Variants in ZNF615 observed in about 807,000 individuals in gnomAD.
The protein encoded by ZNF615 is zinc finger protein 615.
Under a neutral mutation model 15.3 loss-of-function variants are expected in ZNF615, and 15 were observed. The ratio of observed to expected loss-of-function variants is 0.98; its 90% confidence interval spans 0.66 to 1.51. The LOEUF (loss-of-function observed/expected upper bound fraction) is 1.51. Among genes scored for constraint, ZNF615 ranks in the 40% most tolerant of loss-of-function variants. ZNF615 has a pLI of 0.00. For missense variants in ZNF615, 848 were observed against 895.9 expected, an observed-to-expected ratio of 0.95 and a Z score of 0.68; for synonymous variants, 268 against 294.6, an observed-to-expected ratio of 0.91 and a Z score of 0.92.
chr19:52,000,446 A>G, intron 5 of ZNF615, 68 bp from the exon 6 acceptor site: 1 of 568,864 alleles, frequency 1.8e-6, no homozygotes, highest in Non-Finnish European at 3.1e-6. Flanking sequence ...AGCCAAAAGC[A>G]TTATTCTTAG....
At position 51,993,544 on chromosome 19, in the gene ZNF615, G is replaced by A. The variant is rs1284577113; in HGVS notation, c.1565C>T (p.Pro522Leu). The change falls in exon 7 of 7, where the codon CCC becomes CTC. Residue 522 changes from proline to leucine, a missense_variant. Coordinates refer to ENST00000598071, the MANE Select transcript of ZNF615 (RefSeq NM_001199324.2). ...TTTTCCACACTCACCACATACATAG[G>A]GTTTTTCTCCAGTATGAGTTCGCTG... ...VHQRTHTGEK[P>L]YVCGECGKGF... 1.9e-6 allele frequency: 3 copies of A among 1,613,456 alleles called. No homozygotes were observed. In the South Asian group the frequency reaches 3.3e-5, roughly 18 times the overall value.
chr19:51,993,897 AG>A lies in ZNF615; in HGVS notation c.1211del (p.Thr404IlefsTer19), dbSNP rs2086330691. On this transcript the variant is annotated frameshift_variant, in exon 7 of 7. Coordinates refer to ENST00000598071, the MANE Select transcript of ZNF615 (RefSeq NM_001199324.2). LOFTEE classifies it low-confidence loss of function (END_TRUNC). The part of the protein sequence containing the change: ...LKNSLITHQQ[T>X]HTGEKLYTCS... ...ATGTATATAATTTCTCTCCTGTATG[AG>A]TTTGCTGATGTGTGATAAGACTGTT... 1 of 1,614,094 alleles carries A rather than the reference AG, an allele frequency of 6.2e-7. No individual in the cohort carries two copies. The highest frequency in any genetic ancestry group is 8.5e-7 in the Non-Finnish European group (1 of 1,180,006).
In ZNF615 at chr19:51,992,169, C is replaced by T. The variant is rs1178337138; in HGVS notation, c.*711G>A. 6.6e-6 allele frequency: 1 copy of T among 152,048 alleles called. No individual in the cohort carries two copies. Among genetic ancestry groups the T allele is most frequent in the Non-Finnish European group, 1.5e-5 (1 of 68,004 alleles). 9.4% of individuals were successfully genotyped at this position (152,048 alleles called of 1,614,324 possible). ...TAATCATATAATAAAATGAGGCAGG[C>T]ATAAAATACTCCGGTATTATATACA... On this transcript the variant is annotated 3_prime_UTR_variant, in exon 7 of 7. Coordinates refer to ENST00000598071, the MANE Select transcript of ZNF615 (RefSeq NM_001199324.2).
chr19:51,993,540 A>G lies in ZNF615; in HGVS notation c.1569T>C (p.Tyr523=). ...HQRTHTGEKP[Y]VCGECGKGFP... ...AGCCTTTTCCACACTCACCACATAC[A>G]TAGGGTTTTTCTCCAGTATGAGTTC... The change falls in exon 7 of 7, where the codon TAT becomes TAC. Residue 523 remains tyrosine (Y), a synonymous_variant. Transcript: ENST00000598071. 1 of 1,613,676 alleles carries G rather than the reference A, an allele frequency of 6.2e-7. No individual in the cohort carries two copies. The highest frequency in any genetic ancestry group is 8.5e-7 in the Non-Finnish European group (1 of 1,179,950).
chr19:52,005,464 T>G (rs1213873877), intron 2 of ZNF615, among the ~76,000 whole-genome samples: 3 of 152,236 alleles, frequency 2.0e-5, no homozygotes, highest in Non-Finnish European at 4.4e-5. Flanking sequence ...GGTCTATGGT[T>G]TCCGTGGCAG....
intron 6 of ZNF615, among the ~76,000 whole-genome samples, chr19:51,996,385 C>CAAAAAAAAAAAAAAAAAAAAAAAAAAAA (rs1172310589): frequency 3.0e-5 from 1 of 33,326 alleles, no homozygotes; most frequent in Non-Finnish European, 5.5e-5. Flanking sequence ...GACTCTGTCT[C>CAAAAAAAAAAAAAAAAAAAAAAAAAAAA]AAAAAAAAAA....
Position 52,007,306 on chromosome 19 carries a change from T to G in ZNF615, c.-203A>C. 7.8e-7 allele frequency: 1 copy of G among 1,289,024 alleles called. No homozygotes were observed. The highest frequency in any genetic ancestry group is 1.0e-6 in the Non-Finnish European group (1 of 988,496). The allele number at this position is 1,289,024 out of a possible 1,614,324, so 79.8% of individuals were successfully genotyped here. On this transcript the variant is annotated 5_prime_UTR_variant, in exon 2 of 7. Transcript: ENST00000598071. The stretch of plus-strand genomic sequence containing the variant: ...AACCGAGCTTACCATGGCAGAGATG[T>G]TATCTTACTTGTGTCAGAAAGAACC...
intron 6 of ZNF615, among the ~76,000 whole-genome samples, chr19:51,995,564 C>CTTCT (rs1568499475): frequency 7.4e-5 from 10 of 135,540 alleles, no homozygotes; most frequent in African/African-American, 5.4e-5. Flanking sequence ...AAACACCTTC[C>CTTCT]TTTTTTTTTT....
In ZNF615 at chr19:52,002,241, C is replaced by T. The variant is rs2086619611; in HGVS notation, c.56G>A (p.Trp19Ter). The change falls in exon 4 of 7, where the codon TGG (tryptophan) becomes TAG (stop). Residue 19 changes from tryptophan to a stop codon, truncating the protein, a stop_gained. Coordinates refer to ENST00000598071, the MANE Select transcript of ZNF615 (RefSeq NM_001199324.2). LOFTEE classifies it high-confidence loss of function. The stretch of plus-strand genomic sequence containing the variant: ...AGGGCTCAGGAACTGCCACTCCTCC[C>T]AGGTGAAGTCCACAGCCACATCCTC... ...TLEDVAVDFT[W>*]EEWQFLSPAQ... The T allele has an allele frequency of 1.2e-6, 2 of 1,614,102 alleles. No homozygotes were observed. Among genetic ancestry groups the T allele is most frequent in the African/African-American group, 1.3e-5 (1 of 74,930 alleles).
At chr19:52,002,536 C>T (rs1489679485) in intron 3 of ZNF615, 6 of 559,414 alleles carry the variant, frequency 1.1e-5, no homozygotes, top group Non-Finnish European at 2.0e-5. Flanking sequence ...GAAAGAACAT[C>T]TATAACATGT....
intron 6 of ZNF615, among the ~76,000 whole-genome samples, chr19:51,999,860 T>A (rs1189994467): frequency 6.6e-6 from 1 of 152,160 alleles, no homozygotes; most frequent in Non-Finnish European, 1.5e-5. Flanking sequence ...GAGTTCAGCA[T>A]GTAGAAAACA....
Position 51,994,482 on chromosome 19 carries a change from G to C in ZNF615, c.627C>G (p.His209Gln). 6.2e-7 allele frequency: 1 copy of C among 1,614,170 alleles called. No individual in the cohort carries two copies. The highest frequency in any genetic ancestry group is 8.5e-7 in the Non-Finnish European group (1 of 1,180,016). ...KSQFIKQQRT[H>Q]NIENAHVCSE... ...TGCATACATGGGCATTCTCTATGTT[G>C]TGAGTTCTCTGTTGCTTAATGAACT... The change falls in exon 7 of 7, where the codon CAC becomes CAG. Residue 209 changes from histidine (H) to glutamine (Q), a missense_variant. Physicochemically the swap from His to Gln is conservative, Grantham distance 24. Coordinates refer to ENST00000598071, the MANE Select transcript of ZNF615 (RefSeq NM_001199324.2).
intron 6 of ZNF615, among the ~76,000 whole-genome samples, chr19:51,999,626 A>G (rs1237621702): frequency 6.6e-6 from 1 of 152,212 alleles, no homozygotes; most frequent in African/African-American, 2.4e-5. Context: ...ATTGTATCTC[A>G]ATAATAGTTT....
Position 51,994,760 on chromosome 19 carries a change from C to T in ZNF615, c.349G>A (p.Glu117Lys), listed in dbSNP as rs553797134. 4.5e-5 allele frequency: 72 copies of T among 1,613,568 alleles called. No individual in the cohort carries two copies. The highest frequency in any genetic ancestry group is 1.6e-4 in the South Asian group (15 of 90,962). The change falls in exon 7 of 7, where the codon GAA becomes AAA. Residue 117 changes from glutamate (E) to lysine (K), a missense_variant. Physicochemically the swap from Glu to Lys is moderately conservative, Grantham distance 56. Transcript: ENST00000598071. Reference protein sequence around the residue: ...SIQKSVKQCHEQNMFGNIVNQ... With the variant: ...SIQKSVKQCHKQNMFGNIVNQ... ...ACAATATTTCCAAACATATTCTGTT[C>T]ATGGCACTGTTTCACACTCTTCTGA...
intron 6 of ZNF615, among the ~76,000 whole-genome samples, chr19:51,997,731 A>G (rs547950549): frequency 7.1e-4 from 108 of 152,306 alleles, no homozygotes; most frequent in African/African-American, 2.5e-3. Context: ...TATGCTAGCA[A>G]TGTGATTTAT....
chr19:52,005,933 C>G (rs924165645), intron 2 of ZNF615, among the ~76,000 whole-genome samples: 2 of 152,144 alleles, frequency 1.3e-5, no homozygotes, highest in Non-Finnish European at 2.9e-5. Flanking sequence ...ATAGAAAAAT[C>G]CTATATCCTC....
At chr19:51,997,242 C>A (rs1341046335) in intron 6 of ZNF615, among the ~76,000 whole-genome samples, 3 of 152,004 alleles carry the variant, frequency 2.0e-5, no homozygotes, top group African/African-American at 7.3e-5. Flanking sequence ...GAGATTGAGG[C>A]TGCAGTGAGC....
chr19:52,007,394 T>C, intron 1 of ZNF615, 64 bp from the exon 2 acceptor site: 2 of 1,003,082 alleles, frequency 2.0e-6, no homozygotes, highest in Non-Finnish European at 2.7e-6. Flanking sequence ...AAGCCGCATC[T>C]TAAATATAAA....
chr19:52,003,686 C>G lies in ZNF615; in HGVS notation c.15+11G>C. 1.9e-6 allele frequency: 3 copies of G among 1,611,624 alleles called. No individual in the cohort carries two copies. The South Asian group carries it at 3.3e-5, about 18-fold the overall frequency. On this transcript the variant is annotated intron_variant, in intron 3 of 6. Coordinates refer to ENST00000598071, the MANE Select transcript of ZNF615 (RefSeq NM_001199324.2). ...AGAATAAAGGAAAGAATAAAACAAACCAAAAGTCACCTGGGCCTGCATCAT... is the reference window on the plus strand; with the variant it reads ...AGAATAAAGGAAAGAATAAAACAAAGCAAAAGTCACCTGGGCCTGCATCAT...
Sources: allele counts gnomAD v4.1 joint callset (sites outside exome capture counted in the v4.1 genomes callset), GRCh38; gene constraint gnomAD v4.1.1; transcripts MANE v1.5; gene names NCBI Gene and HGNC (gene_info 2026-07-23, HGNC 2026-07-21).